DOCK6: variants seen among roughly 807,000 people sequenced by gnomAD.
DOCK6 encodes dedicator of cytokinesis 6.
DOCK6 carries 167 observed loss-of-function variants against 230.3 expected under a neutral mutation model. That is an observed-to-expected ratio of 0.73 (90% CI 0.64 to 0.82). The LOEUF (loss-of-function observed/expected upper bound fraction) is 0.82. Ranked by LOEUF, DOCK6 falls within the 40% of genes least tolerant of loss-of-function variation. DOCK6 has a pLI of 0.00. For synonymous variants in DOCK6, 1,148 were observed against 1,185.0 expected (o/e 0.97, Z 0.64); for missense variants, 2,598 against 2,825.8 (o/e 0.92, Z 1.83).
chr19:11,257,672 TCA>T (rs1450100730), intron 1 of DOCK6, among the ~76,000 whole-genome samples: 1 of 151,670 alleles, frequency 6.6e-6, no homozygotes, highest in Admixed American at 6.6e-5. Flanking sequence ...GCCGGTAATC[TCA>T]GTTACTCGGG....
intron 6 of DOCK6, among the ~76,000 whole-genome samples, chr19:11,249,623 C>T (rs998651859): frequency 1.5e-4 from 22 of 151,504 alleles, no homozygotes; most frequent in Non-Finnish European, 8.8e-5. Flanking sequence ...AGGCCAGGCG[C>T]GGTGGCTCAA....
At chr19:11,241,883 G>T in intron 14 of DOCK6, 162 bp downstream of exon 14, 1 of 1,248,884 alleles carries the variant, frequency 8.0e-7, no homozygotes, top group South Asian at 1.4e-5. Flanking sequence ...AGGGGTGGAG[G>T]AAGGACATGT....
intron 5 of DOCK6, 62 bp from the exon 6 acceptor site, chr19:11,251,148 TGA>T (rs2147874098): frequency 6.7e-6 from 10 of 1,487,770 alleles, no homozygotes; most frequent in East Asian, 2.4e-5. Flanking sequence ...CTCACTCTGG[TGA>T]GAGTGTCCTC....
rs34545822 is a variant in DOCK6 at position 11,252,185 on chromosome 19, C to G, written c.441G>C (p.Lys147Asn). The change falls in exon 5 of 48, where the codon AAG (lysine) becomes AAC (asparagine). Residue 147 changes from lysine to asparagine, a missense_variant. Physicochemically the swap from Lys to Asn is moderately conservative, Grantham distance 94 (BLOSUM62 0). Transcript: ENST00000294618. ...VTTDTQRERQ[K>N]GLPRQVFEQD... is the part of the protein sequence containing the mutation. ...GCTCAAAGACCTGGCGGGGGAGGCC[C>G]TTCTGTCGCTCCCGCTGTGTGTCTG... 19,746 of 1,582,908 alleles carry G rather than the reference C, an allele frequency of 0.012. 162 individuals carry two copies. Among genetic ancestry groups the G allele is most frequent in the South Asian group, 0.027 (2,320 of 86,666 alleles).
At chr19:11,248,182 G>T in intron 6 of DOCK6, 31 bp from the exon 7 acceptor site, 1 of 1,510,624 alleles carries the variant, frequency 6.6e-7, no homozygotes, top group Non-Finnish European at 9.1e-7. Flanking sequence ...GAGCTGGGCG[G>T]GAGGAGCTGG....
intron 6 of DOCK6, among the ~76,000 whole-genome samples, chr19:11,249,509 CA>C (rs961767140): frequency 1.5e-4 from 21 of 143,116 alleles, no homozygotes; most frequent in African/African-American, 2.3e-4. Context: ...AGACTTGTCT[CA>C]AAAAAAAAAA....
Position 11,204,248 on chromosome 19 carries a change from G to A in DOCK6, c.5172C>T (p.Ala1724=), listed in dbSNP as rs531996739. 13 of 1,593,520 alleles carry A rather than the reference G, an allele frequency of 8.2e-6. No individual in the cohort carries two copies. The highest frequency in any genetic ancestry group is 6.9e-5 in the Admixed American group (4 of 57,744). Residue 1724 remains alanine (A), a synonymous_variant, in exon 40 of 48, where the codon GCC becomes GCT. Transcript: ENST00000294618. ...CCTCCTGCAGTTTGCCGTGCACCGC[G>A]GCCAGCTTCTTGTAGTCACGGTGGG... ...LEAHRDYKKL[A]AVHGKLQEAF... is the part of the protein sequence containing the mutation.
intron 1 of DOCK6, among the ~76,000 whole-genome samples, chr19:11,261,888 AC>A (rs2080296676): frequency 6.6e-6 from 1 of 150,610 alleles, no homozygotes; most frequent in South Asian, 2.1e-4. Flanking sequence ...GGGGAAGGGC[AC>A]GGGAAACTCC....
chr19:11,241,238 CAA>C (rs59955877), intron 14 of DOCK6, among the ~76,000 whole-genome samples: 8 of 121,112 alleles, frequency 6.6e-5, no homozygotes, highest in African/African-American at 6.0e-5. Flanking sequence ...GAGAGAGACT[CAA>C]AAAAAAAAAA....
chr19:11,236,907 C>T lies in DOCK6; in HGVS notation c.2074-28G>A. On this transcript the variant is annotated intron_variant, in intron 18 of 47. Transcript: ENST00000294618. This position sits in a 1 kb window ranked among gnomAD's most constrained non-coding sequence, Gnocchi z 5.2. ...GTGGGAGGGAGGCACCAGGTGGGCA[C>T]TGGTCAGCCCTCCCTGACTGATCAG... 1 of 1,544,816 alleles carries T rather than the reference C, an allele frequency of 6.5e-7. No individual in the cohort carries two copies. The highest frequency in any genetic ancestry group is 8.7e-7 in the Non-Finnish European group (1 of 1,144,050).
chr19:11,227,191 A>G (rs2079679068), intron 24 of DOCK6, 146 bp downstream of exon 24: 2 of 1,147,040 alleles, frequency 1.7e-6, no homozygotes, highest in African/African-American at 3.1e-5. Flanking sequence ...CACTTAAGAA[A>G]CAGACAATGA....
chr19:11,255,600 CAGTCTTCTTCT>C (rs991089485), intron 1 of DOCK6, among the ~76,000 whole-genome samples: 71 of 152,226 alleles, frequency 4.7e-4, no homozygotes, highest in African/African-American at 1.5e-3. Context: ...GAGTCCCTTC[CAGTCTTCTTCT>C]ACAACTTGCC....
chr19:11,214,670 T>C (rs1228647249), intron 32 of DOCK6, 21 bp from the exon 33 acceptor site: 2 of 1,610,502 alleles, frequency 1.2e-6, no homozygotes, highest in South Asian at 1.1e-5. Flanking sequence ...AAAGGAGGTC[T>C]TGGGGGCCCA....
At position 11,252,931 on chromosome 19, in the gene DOCK6, G is replaced by C; in HGVS notation, c.160C>G (p.Leu54Val). The C allele has an allele frequency of 6.2e-7, 1 of 1,610,974 alleles. No homozygotes were observed. The highest frequency in any genetic ancestry group is 2.2e-5 in the East Asian group (1 of 44,772). ...GVPLTEVVEP[L>V]DFEDVLLSRP... ...CTCAGAAGTACATCCTCAAAGTCCA[G>C]GGGCTCGACAACTTCAGTCAGTGGG... The change falls in exon 3 of 48, where the codon CTG (leucine) becomes GTG (valine). Residue 54 changes from leucine to valine, a missense_variant. Leu to Val is a conservative substitution (Grantham distance 32). Coordinates refer to ENST00000294618, the MANE Select transcript of DOCK6 (RefSeq NM_020812.4).
At chr19:11,217,426 C>T (rs1361951912) in intron 28 of DOCK6, 35 bp from the exon 29 acceptor site, 2 of 1,598,686 alleles carry the variant, frequency 1.3e-6, no homozygotes, top group Admixed American at 1.7e-5. Context: ...GAAAGATAAA[C>T]CCTTGGTAAG....
chr19:11,239,894 A>G, intron 14 of DOCK6: 1 of 1,593,810 alleles, frequency 6.3e-7, no homozygotes, highest in Non-Finnish European at 8.5e-7. Flanking sequence ...CGGGGCCGGG[A>G]TGCAGCCCAG....
At position 11,248,127 on chromosome 19, in the gene DOCK6, G is replaced by A. The variant is rs374952858; in HGVS notation, c.745C>T (p.Arg249Cys). The change falls in exon 7 of 48, where the codon CGC (arginine) becomes TGC (cysteine). Residue 249 changes from arginine (R) to cysteine (C), a missense_variant. By Grantham distance (180) the Arg-to-Cys change is radical. Transcript: ENST00000294618. The part of the protein sequence containing the change: ...DEDEAVERCS[R>C]PEPPREHFGQ... ...AAGTGCTCGCGGGGTGGCTCTGGGC[G>A]GCTACAGCGTTCCACGGCTTCATCC... is the stretch of plus-strand genomic sequence containing the variant. 3.0e-5 allele frequency: 49 copies of A among 1,611,068 alleles called. No homozygotes were observed. The highest frequency in any genetic ancestry group is 1.2e-4 in the South Asian group (11 of 90,414).
At position 11,236,126 on chromosome 19, in the gene DOCK6, C is replaced by T. The variant is rs151038983; in HGVS notation, c.2392+220G>A. On this transcript the variant is annotated intron_variant, in intron 20 of 47. Transcript: ENST00000294618. This position sits in a 1 kb window ranked among gnomAD's most constrained non-coding sequence, Gnocchi z 5.2. ...AACTCTCGACCTCAGGTGATCTGCC[C>T]GCCTCGGCCTCCCAAAGTGCTGGGA... The T allele has an allele frequency of 0.021, 12,520 of 586,500 alleles. 517 individuals carry two copies. Among genetic ancestry groups the T allele is most frequent in the East Asian group, 0.15 (5,191 of 33,964 alleles). The allele number at this position is 586,500 out of a possible 1,614,324, so 36.3% of individuals were successfully genotyped here.
rs2079155768 is a variant in DOCK6, at chr19:11,200,757, A to G, written c.5898T>C (p.His1966=). The G allele has an allele frequency of 1.9e-6, 3 of 1,613,720 alleles. No individual in the cohort carries two copies. Among genetic ancestry groups the G allele is most frequent in the Non-Finnish European group, 2.5e-6 (3 of 1,179,742 alleles). Residue 1966 remains histidine, a synonymous_variant, in exon 46 of 48, where the codon CAT becomes CAC. Transcript: ENST00000294618. The surrounding 1 kb of genome is among the most constrained non-coding windows in gnomAD (Gnocchi z 4.3). ...EIPEDPKLFR[H]HNKLRLCFKD... ...TGAAGCAGAGCCGCAATTTGTTGTG[A>G]TGCCGGAAGAGCTTGGGGTCTTCCG...
Sources: allele counts gnomAD v4.1 joint callset (sites outside exome capture counted in the v4.1 genomes callset), GRCh38; gene constraint gnomAD v4.1.1; non-coding constraint Gnocchi (gnomAD v3.1); transcripts MANE v1.5; gene names NCBI Gene and HGNC (gene_info 2026-07-23, HGNC 2026-07-21).